The following UMAD1 variants were observed in gnomAD, a reference collection of about 807,000 sequenced individuals.
UMAD1 encodes UBAP1-MVB12-associated (UMA) domain containing 1.
In UMAD1, 8 loss-of-function variants were observed where a neutral mutation model predicts 6.1. The observed-to-expected ratio is 1.30, with a 90% CI of 0.76 to 2.35. UMAD1 has a LOEUF of 2.35. Ranked by LOEUF, UMAD1 falls within the 30% of genes most tolerant of loss-of-function variation. The pLI, the probability that UMAD1 is intolerant of heterozygous loss-of-function variation, is 0.00. For synonymous variants in UMAD1, 56 were observed against 31.4 expected (o/e 1.78, Z -2.61); for missense variants, 130 against 78.4 (o/e 1.66, Z -2.49).
chr7:7,766,805 A>G (rs1256376820), intron 2 of UMAD1, among the ~76,000 whole-genome samples: 2 of 152,188 alleles, frequency 1.3e-5, no homozygotes, highest in Non-Finnish European at 2.9e-5. Context: ...TTTAAACCAT[A>G]TTATTCATTT....
intron 3 of UMAD1, among the ~76,000 whole-genome samples, chr7:7,869,344 T>A (rs1016922187): frequency 2.6e-5 from 4 of 152,210 alleles, no homozygotes; most frequent in African/African-American, 9.7e-5. Context: ...AAGCACGTCT[T>A]TTATTTATAG....
chr7:7,747,135 G>A (rs1051140801), intron 2 of UMAD1, among the ~76,000 whole-genome samples: 2 of 152,116 alleles, frequency 1.3e-5, no homozygotes, highest in Admixed American at 6.5e-5. Context: ...AGATACTTTA[G>A]CCATTAGGCC....
chr7:7,774,911 C>G (rs13221076), intron 2 of UMAD1, among the ~76,000 whole-genome samples: 39,022 of 152,098 alleles, frequency 0.26, 5,785 homozygotes, highest in East Asian at 0.37. Context: ...CTGTCTCTTC[C>G]TCGCAAAGGT....
chr7:7,672,595 C>G (rs889480421), intron 1 of UMAD1, among the ~76,000 whole-genome samples: 1 of 152,144 alleles, frequency 6.6e-6, no homozygotes, highest in East Asian at 1.9e-4. Flanking sequence ...ATGTTGTTCT[C>G]GTGATAGTGA....
chr7:7,806,839 T>C (rs1330062505), intron 3 of UMAD1, among the ~76,000 whole-genome samples: 1 of 152,220 alleles, frequency 6.6e-6, no homozygotes, highest in Non-Finnish European at 1.5e-5. Flanking sequence ...TGTTGAAATA[T>C]TCTCTATAAC....
At chr7:7,726,608 A>G (rs1781142105) in intron 2 of UMAD1, among the ~76,000 whole-genome samples, 1 of 152,114 alleles carries the variant, frequency 6.6e-6, no homozygotes, top group Non-Finnish European at 1.5e-5. Flanking sequence ...AAATGGCACC[A>G]TTCACCCTCA....
rs186189192 is a variant in UMAD1 at position 7,652,858 on chromosome 7, A to G, written c.-64+12037A>G. On this transcript the variant is annotated intron_variant, in intron 1 of 3. Transcript: ENST00000682710. The stretch of plus-strand genomic sequence containing the variant: ...GAAAGTCAAATAATTTTTAGTTGGC[A>G]GTTTAGGGAGTGATTCTTTCTGGAT... 1.2e-3 allele frequency among the ~76,000 whole-genome samples: 178 copies of G among 152,358 alleles called. 2 individuals carry two copies. The highest frequency in any genetic ancestry group is 4.7e-4 in the Non-Finnish European group (32 of 68,022).
chr7:7,663,838 C>T (rs1443027445), intron 1 of UMAD1, among the ~76,000 whole-genome samples: 2 of 152,152 alleles, frequency 1.3e-5, no homozygotes, highest in African/African-American at 4.8e-5. Context: ...CAGTTTTATA[C>T]AACTGATCTC....
intron 1 of UMAD1, among the ~76,000 whole-genome samples, chr7:7,660,855 T>C (rs557964720): frequency 2.0e-5 from 3 of 152,360 alleles, no homozygotes; most frequent in South Asian, 2.1e-4. Context: ...CCTGTCTTGC[T>C]AGGTTGGAGA....
intron 3 of UMAD1, among the ~76,000 whole-genome samples, chr7:7,811,332 T>C (rs1783018098): frequency 6.6e-6 from 1 of 152,250 alleles, no homozygotes; most frequent in South Asian, 2.1e-4. Flanking sequence ...TATTGCACTG[T>C]GTCATTTGAA....
chr7:7,685,553 C>T (rs895253527), intron 2 of UMAD1, among the ~76,000 whole-genome samples: 2 of 152,094 alleles, frequency 1.3e-5, no homozygotes, highest in Non-Finnish European at 2.9e-5. Context: ...GTGATCCGCC[C>T]GCCCCTGTAA....
At chr7:7,810,570 A>C (rs924793737) in intron 3 of UMAD1, among the ~76,000 whole-genome samples, 2 of 152,200 alleles carry the variant, frequency 1.3e-5, no homozygotes, top group African/African-American at 2.4e-5. Flanking sequence ...TATAAAAACT[A>C]TGCAGAAAAA....
At chr7:7,715,509 G>A (rs769814837) in intron 2 of UMAD1, among the ~76,000 whole-genome samples, 2 of 152,040 alleles carry the variant, frequency 1.3e-5, no homozygotes, top group East Asian at 1.9e-4. Context: ...CATGCATTCC[G>A]ACAATATCTG....
intron 3 of UMAD1, among the ~76,000 whole-genome samples, chr7:7,848,999 G>T (rs1310536185): frequency 6.6e-6 from 1 of 152,084 alleles, no homozygotes; most frequent in Non-Finnish European, 1.5e-5. Flanking sequence ...TATATTACGT[G>T]CACTTCTTGG....
At chr7:7,657,432 T>A (rs541524471) in intron 1 of UMAD1, among the ~76,000 whole-genome samples, 4 of 152,244 alleles carry the variant, frequency 2.6e-5, no homozygotes. Context: ...CTTCTAGGGT[T>A]TTTATGATTT....
rs183720383 is a variant in UMAD1, at chr7:7,669,298, T to C, written c.-63-4011T>C. Among the ~76,000 whole-genome samples the C allele has an allele frequency of 3.3e-5, 5 of 152,212 alleles. 1 individual carries two copies. In the South Asian group the frequency reaches 6.2e-4, roughly 19 times the overall value. ...TGACACACTGTAGGAACTCAGTAAA[T>C]GTTAGTGGCATTTGTAGTTATTCCC... On this transcript the variant is annotated intron_variant, in intron 1 of 3. Coordinates refer to ENST00000682710, the MANE Select transcript of UMAD1 (RefSeq NM_001302348.2).
chr7:7,780,358 A>G (rs1380563668), intron 2 of UMAD1, among the ~76,000 whole-genome samples: 1 of 152,004 alleles, frequency 6.6e-6, no homozygotes, highest in Non-Finnish European at 1.5e-5. Flanking sequence ...CCTTCTAGCA[A>G]TTTTCCTATG....
chr7:7,834,997 G>A (rs1387046545), intron 3 of UMAD1, among the ~76,000 whole-genome samples: 1 of 152,168 alleles, frequency 6.6e-6, no homozygotes. Context: ...GATCTCTTGA[G>A]AACTCACTAT....
At chr7:7,645,776 T>C (rs1785079941) in intron 1 of UMAD1, among the ~76,000 whole-genome samples, 1 of 152,066 alleles carries the variant, frequency 6.6e-6, no homozygotes. Flanking sequence ...TTGTCTTTTA[T>C]ATATATTCCT....
Sources: allele counts gnomAD v4.1 joint callset (sites outside exome capture counted in the v4.1 genomes callset), GRCh38; gene constraint gnomAD v4.1.1; transcripts MANE v1.5; gene names NCBI Gene and HGNC (gene_info 2026-07-23, HGNC 2026-07-21).